The following NDFIP2 variants were observed in gnomAD, a reference collection of about 807,000 sequenced individuals.
The protein encoded by NDFIP2 is NEDD4 family-interacting protein 2.
Under a neutral mutation model 36.0 loss-of-function variants are expected in NDFIP2, and 19 were observed. The observed-to-expected ratio is 0.53, with a 90% CI of 0.37 to 0.77. The LOEUF (loss-of-function observed/expected upper bound fraction) is 0.77, where lower values mean the gene tolerates loss of function less well. Ranked by LOEUF, NDFIP2 falls within the 30% of genes least tolerant of loss-of-function variation. NDFIP2 has a pLI of 0.00. For synonymous variants in NDFIP2, 181 were observed against 167.7 expected (o/e 1.08, Z -0.61); for missense variants, 446 against 435.8 (o/e 1.02, Z -0.21).
At chr13:79,495,998 A>G (rs1165770733) in intron 1 of NDFIP2, among the ~76,000 whole-genome samples, 2 of 151,848 alleles carry the variant, frequency 1.3e-5, no homozygotes, top group Admixed American at 6.6e-5. Flanking sequence ...TTTCAGTGTG[A>G]TAGTTGTCAT....
intron 3 of NDFIP2, among the ~76,000 whole-genome samples, chr13:79,538,115 C>T (rs1246671779): frequency 1.3e-5 from 2 of 152,106 alleles, no homozygotes; most frequent in Admixed American, 6.5e-5. Context: ...TGCACTCACT[C>T]ACTCTCATGA....
intron 1 of NDFIP2, among the ~76,000 whole-genome samples, chr13:79,495,131 C>G (rs1038654059): frequency 6.6e-6 from 1 of 151,796 alleles, no homozygotes; most frequent in Admixed American, 6.6e-5. Context: ...TTTCTTGAGA[C>G]TTTTTTATGG....
intron 2 of NDFIP2, 89 bp from the exon 3 acceptor site, chr13:79,533,234 T>C (rs1222194014): frequency 4.2e-6 from 5 of 1,179,836 alleles, no homozygotes; most frequent in Non-Finnish European, 6.0e-6. Context: ...AGTCCTGTAT[T>C]GGTGGCCAGT....
intron 2 of NDFIP2, among the ~76,000 whole-genome samples, chr13:79,523,690 A>C (rs1217057366): frequency 6.6e-6 from 1 of 152,212 alleles, no homozygotes; most frequent in Non-Finnish European, 1.5e-5. Context: ...ACTCTTCTTC[A>C]TGTGATGATA....
At chr13:79,549,297 T>TA (rs1875808992) in intron 6 of NDFIP2, among the ~76,000 whole-genome samples, 1 of 152,004 alleles carries the variant, frequency 6.6e-6, no homozygotes, top group African/African-American at 2.4e-5. Flanking sequence ...AGTTTTATAT[T>TA]ATGTGTTCTA....
chr13:79,487,386 AAATCG>A (rs1213762137), intron 1 of NDFIP2, among the ~76,000 whole-genome samples: 8 of 152,210 alleles, frequency 5.3e-5, no homozygotes, highest in African/African-American at 1.9e-4. Flanking sequence ...TTCATCGTAT[AAATCG>A]AATGAATACA....
intron 2 of NDFIP2, among the ~76,000 whole-genome samples, chr13:79,524,315 A>G (rs143725079): frequency 2.6e-5 from 4 of 152,324 alleles, no homozygotes; most frequent in South Asian, 4.1e-4. Context: ...AAAATCATTC[A>G]TAACTTTACT....
chr13:79,532,969 G>A (rs1021750333), intron 2 of NDFIP2, among the ~76,000 whole-genome samples: 5 of 152,060 alleles, frequency 3.3e-5, no homozygotes, highest in African/African-American at 1.2e-4. Context: ...GAGATAGTGG[G>A]CAAGTAAACT....
chr13:79,516,818 C>T (rs1424870537), intron 1 of NDFIP2, among the ~76,000 whole-genome samples: 2 of 152,112 alleles, frequency 1.3e-5, no homozygotes, highest in Non-Finnish European at 2.9e-5. Context: ...TCTACACATT[C>T]TTATCTTGGT....
At chr13:79,499,900 G>A (rs548594546) in intron 1 of NDFIP2, among the ~76,000 whole-genome samples, 6 of 151,994 alleles carry the variant, frequency 3.9e-5, no homozygotes, top group African/African-American at 1.4e-4. Context: ...AACAGATTCA[G>A]TGTAGCCAAC....
intron 1 of NDFIP2, among the ~76,000 whole-genome samples, chr13:79,496,615 T>G (rs1300368015): frequency 6.6e-6 from 1 of 151,930 alleles, no homozygotes; most frequent in African/African-American, 2.4e-5. Context: ...CCATTATTTC[T>G]TCAAATGTTT....
In NDFIP2 at chr13:79,487,352, C is replaced by T. The variant is rs139530191; in HGVS notation, c.321+5828C>T. The stretch of plus-strand genomic sequence containing the variant: ...TCCATGTTTTTGTGTATATCAGTAG[C>T]TCATCCCTTTTTATCATATAGTTTT... On this transcript the variant is annotated intron_variant, in intron 1 of 7. Coordinates refer to ENST00000218652, the MANE Select transcript of NDFIP2 (RefSeq NM_019080.3). Among the ~76,000 whole-genome samples, 33 of 152,270 alleles carry T rather than the reference C, an allele frequency of 2.2e-4. No individual in the cohort carries two copies. The East Asian group carries it at 6.0e-3, about 28-fold the overall frequency.
chr13:79,533,014 A>G (rs144808945), intron 2 of NDFIP2, among the ~76,000 whole-genome samples: 1 of 152,312 alleles, frequency 6.6e-6, no homozygotes, highest in Non-Finnish European at 1.5e-5. Flanking sequence ...CACATAGAGA[A>G]TACTCATATA....
chr13:79,481,258 A>C lies in NDFIP2; in HGVS notation c.55A>C (p.Ser19Arg). The part of the protein sequence containing the change: ...VCASGPSMLN[S>R]ARGAPELLRG... Reference sequence around the variant, plus strand: ...CGCGAGCGGTCCGAGCATGCTCAATAGCGCGCGCGGCGCCCCGGAGCTTCT... The same window carrying C: ...CGCGAGCGGTCCGAGCATGCTCAATCGCGCGCGCGGCGCCCCGGAGCTTCT... Residue 19 changes from serine (S) to arginine (R), a missense_variant, in exon 1 of 8, where the codon AGC (serine) becomes CGC (arginine). By Grantham distance (110) the Ser-to-Arg change is moderately radical. Coordinates refer to ENST00000218652, the MANE Select transcript of NDFIP2 (RefSeq NM_019080.3). 2 of 1,536,026 alleles carry C rather than the reference A, an allele frequency of 1.3e-6. No homozygotes were observed. The highest frequency in any genetic ancestry group is 1.4e-5 in the African/African-American group (1 of 73,048).
chr13:79,483,456 G>T (rs2079827065), intron 1 of NDFIP2, among the ~76,000 whole-genome samples: 1 of 152,028 alleles, frequency 6.6e-6, no homozygotes, highest in African/African-American at 2.4e-5. Flanking sequence ...CTTCAGCTCT[G>T]GCTTATATGA....
At chr13:79,520,758 T>TA in intron 1 of NDFIP2, 52 bp from the exon 2 acceptor site, 2 of 1,486,846 alleles carry the variant, frequency 1.3e-6, no homozygotes, top group Non-Finnish European at 1.8e-6. Flanking sequence ...GCTTAAAATT[T>TA]AAAAAATAAT....
chr13:79,525,474 G>A (rs765997382), intron 2 of NDFIP2, among the ~76,000 whole-genome samples: 14 of 152,036 alleles, frequency 9.2e-5, no homozygotes, highest in South Asian at 6.2e-4. Flanking sequence ...TACAGGTAGC[G>A]CTTTATGGCT....
At position 79,555,153 on chromosome 13, in the gene NDFIP2, A is replaced by G. The variant is rs1040093231; in HGVS notation, c.*2640A>G. The G allele has an allele frequency of 1.3e-5, 2 of 150,950 alleles. No homozygotes were observed. Among genetic ancestry groups the G allele is most frequent in the Non-Finnish European group, 3.0e-5 (2 of 67,612 alleles). 9.4% of individuals were successfully genotyped at this position (150,950 alleles called of 1,614,324 possible). A position where few individuals can be genotyped will look rare whatever the true frequency, so the allele number is the denominator to read the frequency against. Reference sequence around the variant, plus strand: ...TACCTGCTAAAACAATATTATTTCCAGTAAAACCTCTCCTAACAGGAAAAG... The same window carrying G: ...TACCTGCTAAAACAATATTATTTCCGGTAAAACCTCTCCTAACAGGAAAAG... On this transcript the variant is annotated 3_prime_UTR_variant, in exon 8 of 8. Coordinates refer to ENST00000218652, the MANE Select transcript of NDFIP2 (RefSeq NM_019080.3).
chr13:79,509,709 G>A (rs1028304519), intron 1 of NDFIP2, among the ~76,000 whole-genome samples: 3 of 107,998 alleles, frequency 2.8e-5, no homozygotes, highest in Non-Finnish European at 3.8e-5. Context: ...AGAGAGAGAA[G>A]TTTATTAACT....
Sources: gnomAD v4.1 joint callset for allele counts (sites outside exome capture counted in the v4.1 genomes callset) on GRCh38, gnomAD v4.1.1 for gene constraint, MANE v1.5 for transcripts, NCBI Gene and HGNC (gene_info 2026-07-23, HGNC 2026-07-21) for gene names.